Variants in BIN1 observed in about 807,000 individuals in gnomAD.
BIN1 encodes myc box-dependent-interacting protein 1.
Under a neutral mutation model 82.0 loss-of-function variants are expected in BIN1, and 53 were observed. The ratio of observed to expected loss-of-function variants is 0.65; its 90% confidence interval spans 0.52 to 0.81. The LOEUF is 0.81. Among genes scored for constraint, BIN1 ranks in the 40% least tolerant of loss-of-function variants. The pLI, the probability that BIN1 is intolerant of heterozygous loss-of-function variation, is 0.00. For synonymous variants in BIN1, 302 were observed against 328.0 expected (o/e 0.92, Z 0.86); for missense variants, 642 against 784.4 (o/e 0.82, Z 2.17).
chr2:127,083,886 C>A (rs924907858), intron 1 of BIN1, among the ~76,000 whole-genome samples: 3 of 152,228 alleles, frequency 2.0e-5, no homozygotes, highest in East Asian at 3.8e-4. Context: ...TGGCAAGAGT[C>A]CTGCAGAGGG....
At position 127,057,178 on chromosome 2, in the gene BIN1, C is replaced by A. The variant is rs569919083; in HGVS notation, c.1131+295G>T. On this transcript the variant is annotated intron_variant, in intron 12 of 18. Coordinates refer to ENST00000316724, the MANE Select transcript of BIN1 (RefSeq NM_139343.3). This position sits in a 1 kb window ranked among gnomAD's most constrained non-coding sequence, Gnocchi z 5.0. ...ACACGTCCTCCACACTCCCCGATCC[C>A]CTCTGCCATAGCACCCACTGCGTCG... 6.6e-6 allele frequency among the ~76,000 whole-genome samples: 1 copy of A among 152,236 alleles called. No homozygotes were observed. The highest frequency in any genetic ancestry group is 2.4e-5 in the African/African-American group (1 of 41,462).
intron 8 of BIN1, 135 bp from the exon 9 acceptor site, chr2:127,063,781 A>G: frequency 7.2e-7 from 1 of 1,393,976 alleles, no homozygotes; most frequent in South Asian, 1.2e-5. Flanking sequence ...CGCAGCACTC[A>G]GGCTGGACAC....
chr2:127,079,243 A>G (rs1686999031), intron 1 of BIN1, among the ~76,000 whole-genome samples: 2 of 152,366 alleles, frequency 1.3e-5, no homozygotes, highest in South Asian at 4.1e-4. Flanking sequence ...CGCAGCAGTG[A>G]GAAGACCCTT....
At chr2:127,054,139 G>C (rs979875674) in intron 12 of BIN1, 127 bp from the exon 13 acceptor site, 5 of 594,416 alleles carry the variant, frequency 8.4e-6, no homozygotes, top group African/African-American at 7.6e-5. Context: ...CACGCATGCA[G>C]AGCAAGCGCA....
intron 18 of BIN1, among the ~76,000 whole-genome samples, chr2:127,049,122 G>A (rs1455572416): frequency 6.6e-6 from 1 of 152,224 alleles, no homozygotes; most frequent in Non-Finnish European, 1.5e-5. Context: ...GGAGCCGTAT[G>A]GCCATCCACT....
Position 127,066,332 on chromosome 2 carries a change from G to A in BIN1, c.612+1831C>T, listed in dbSNP as rs1573623213. On this transcript the variant is annotated intron_variant, in intron 7 of 18. Transcript: ENST00000316724. ...CACCCACAGCCCAGCACCCAAAGGT[G>A]TGATCACCTGCCTCACCCTCTCGCT... is the stretch of plus-strand genomic sequence containing the variant. 3.9e-5 allele frequency among the ~76,000 whole-genome samples: 6 copies of A among 152,328 alleles called. No homozygotes were observed. In the South Asian group the frequency reaches 1.2e-3, roughly 32 times the overall value.
At chr2:127,049,077 G>A (rs754618637) in intron 18 of BIN1, among the ~76,000 whole-genome samples, 4 of 152,246 alleles carry the variant, frequency 2.6e-5, no homozygotes, top group Non-Finnish European at 5.9e-5. Context: ...TTCTCTGGGA[G>A]TGCTGACAGG....
intron 1 of BIN1, among the ~76,000 whole-genome samples, chr2:127,086,577 G>GGCTCACCGCAACCTCT (rs1182291041): frequency 6.7e-6 from 1 of 149,802 alleles, no homozygotes; most frequent in African/African-American, 2.5e-5. Context: ...GTGCAATCTC[G>GGCTCACCGCAACCTCT]GCTCACCGCA....
chr2:127,053,969 T>C lies in BIN1; in HGVS notation c.1175A>G (p.Asp392Gly). The C allele has an allele frequency of 1.9e-6, 3 of 1,551,348 alleles. No individual in the cohort carries two copies. Among genetic ancestry groups the C allele is most frequent in the Middle Eastern group, 1.7e-4 (1 of 5,972 alleles). ...GGGCGGGAGGGGGTCAAAGTCCAGG[T>C]CCAGCAGACTGGCCTGCTCCGAGAA... is the stretch of plus-strand genomic sequence containing the variant. Reference protein sequence around the residue: ...GPFSEQASLLDLDFDPLPPVT... With the variant: ...GPFSEQASLLGLDFDPLPPVT... Residue 392 changes from aspartate (D) to glycine (G), a missense_variant, in exon 13 of 19, where the codon GAC becomes GGC. Asp to Gly is a moderately conservative substitution (Grantham distance 94). Transcript: ENST00000316724.
chr2:127,051,709 G>A (rs1558795199), intron 15 of BIN1, among the ~76,000 whole-genome samples: 1 of 152,180 alleles, frequency 6.6e-6, no homozygotes, highest in Non-Finnish European at 1.5e-5. Flanking sequence ...AGGTGGTGCG[G>A]TGCAGCCTGT....
At chr2:127,105,466 T>TCCC (rs1380212736) in intron 1 of BIN1, among the ~76,000 whole-genome samples, 26 of 83,280 alleles carry the variant, frequency 3.1e-4, no homozygotes, top group Middle Eastern at 6.0e-3. Context: ...GGGGCTTTAA[T>TCCC]CCCTCCTCCT....
At position 127,063,652 on chromosome 2, in the gene BIN1, G is replaced by A; in HGVS notation, c.699-6C>T. 6.2e-7 allele frequency: 1 copy of A among 1,613,040 alleles called. No individual in the cohort carries two copies. Among genetic ancestry groups the A allele is most frequent in the Non-Finnish European group, 8.5e-7 (1 of 1,179,558 alleles). On this transcript the variant is annotated splice_region_variant and splice_polypyrimidine_tract_variant and intron_variant, in intron 8 of 18. Transcript: ENST00000316724. ...TGACGTAGAAACCTACGCGGCTACA[G>A]AAGGGCGGAAGGATGGGGGCCAGGT...
chr2:127,053,319 T>C, intron 14 of BIN1, 103 bp downstream of exon 14: 1 of 1,504,056 alleles, frequency 6.6e-7, no homozygotes, highest in Non-Finnish European at 9.2e-7. Context: ...GGGGGGTGTG[T>C]GGGGTGCATG....
chr2:127,079,976 T>C (rs1376795988), intron 1 of BIN1, among the ~76,000 whole-genome samples: 1 of 152,176 alleles, frequency 6.6e-6, no homozygotes, highest in East Asian at 1.9e-4. Flanking sequence ...CTGCTGAAGC[T>C]CTCAGTGCTC....
At chr2:127,074,227 T>G (rs1558842696) in intron 2 of BIN1, among the ~76,000 whole-genome samples, 1 of 151,890 alleles carries the variant, frequency 6.6e-6, no homozygotes, top group Non-Finnish European at 1.5e-5. Flanking sequence ...CACTGCAGCC[T>G]CCTGAATTCA....
rs193129834 is a variant in BIN1 at position 127,070,437 on chromosome 2, A to G, written c.315+116T>C. 4.6e-4 allele frequency: 592 copies of G among 1,277,354 alleles called. 1 individual carries two copies. The highest frequency in any genetic ancestry group is 6.0e-4 in the Non-Finnish European group (535 of 890,990). 79.1% of individuals were successfully genotyped at this position (1,277,354 alleles called of 1,614,324 possible). On this transcript the variant is annotated intron_variant, in intron 4 of 18. Coordinates refer to ENST00000316724, the MANE Select transcript of BIN1 (RefSeq NM_139343.3). ...GAGGGCAGCTTGCCCCAGGGCACAC[A>G]GCACGCGAATGCCCGAGAACCAGAG...
At chr2:127,101,538 G>T (rs1244997181) in intron 1 of BIN1, among the ~76,000 whole-genome samples, 1 of 152,154 alleles carries the variant, frequency 6.6e-6, no homozygotes, top group Non-Finnish European at 1.5e-5. Context: ...ATCTCCCCTG[G>T]TGAGAATGTC....
At chr2:127,052,526 C>T (rs1683095610) in intron 14 of BIN1, 164 bp from the exon 15 acceptor site, 1 of 638,744 alleles carries the variant, frequency 1.6e-6, no homozygotes, top group Non-Finnish European at 2.8e-6. Flanking sequence ...CTCCCACATC[C>T]TCTCTCCTAC....
In BIN1 at chr2:127,050,485, T is replaced by C; in HGVS notation, c.1610A>G (p.Asp537Gly). The change falls in exon 18 of 19, where the codon GAC (aspartate) becomes GGC (glycine). Residue 537 changes from aspartate (D) to glycine (G), a missense_variant. Asp to Gly is a moderately conservative substitution (Grantham distance 94). Transcript: ENST00000316724. ...AQHDYTATDT[D>G]ELQLKAGDVV... ...ATCACCAGCCTTGAGCTGCAGCTCG[T>C]CTGTGTCAGTGGCCGTGTAGTCGTG... The C allele has an allele frequency of 1.2e-6, 2 of 1,614,212 alleles. No individual in the cohort carries two copies.
Sources: gnomAD v4.1 joint callset for allele counts (sites outside exome capture counted in the v4.1 genomes callset) on GRCh38, gnomAD v4.1.1 for gene constraint, Gnocchi (gnomAD v3.1) non-coding constraint, MANE v1.5 for transcripts, NCBI Gene and HGNC (gene_info 2026-07-23, HGNC 2026-07-21) for gene names.